The following SYT1 variants were observed in gnomAD, a reference collection of about 807,000 sequenced individuals.
The protein encoded by SYT1 is synaptotagmin 1.
SYT1 carries 8 observed loss-of-function variants against 44.8 expected under a neutral mutation model. That is an observed-to-expected ratio of 0.18 (90% CI 0.10 to 0.32). The LOEUF (loss-of-function observed/expected upper bound fraction) is 0.32. Among genes scored for constraint, SYT1 ranks in the 10% least tolerant of loss-of-function variants. The probability of loss-of-function intolerance (pLI) is 1.00; values close to 1 mark genes in which losing one functional copy is unlikely to be tolerated. For missense variants in SYT1, 286 were observed against 509.3 expected, an observed-to-expected ratio of 0.56 and a Z score of 4.22; for synonymous variants, 154 against 188.8, an observed-to-expected ratio of 0.82 and a Z score of 1.51.
At chr12:79,161,587 C>T (rs1358714566) in intron 3 of SYT1, among the ~76,000 whole-genome samples, 1 of 152,086 alleles carries the variant, frequency 6.6e-6, no homozygotes, top group Non-Finnish European at 1.5e-5. Flanking sequence ...ATAATGGATG[C>T]TGACATGTGT....
intron 1 of SYT1, among the ~76,000 whole-genome samples, chr12:78,893,239 G>A (rs1875154108): frequency 6.6e-6 from 1 of 151,696 alleles, no homozygotes. Flanking sequence ...AATGATTCTT[G>A]CTTTAATTTT....
intron 5 of SYT1, among the ~76,000 whole-genome samples, chr12:79,291,585 T>C (rs1325046709): frequency 6.6e-6 from 1 of 152,216 alleles, no homozygotes; most frequent in African/African-American, 2.4e-5. Context: ...ATATTAATTA[T>C]TCCACTGCAT....
intron 4 of SYT1, among the ~76,000 whole-genome samples, chr12:79,220,269 T>G (rs1180608569): frequency 2.0e-5 from 3 of 152,000 alleles, no homozygotes; most frequent in Non-Finnish European, 4.4e-5. Context: ...AATATCTCCT[T>G]TTTTGTTTCT....
At chr12:79,228,050 G>A (rs1391462017) in intron 4 of SYT1, among the ~76,000 whole-genome samples, 1 of 86,352 alleles carries the variant, frequency 1.2e-5, no homozygotes, top group Admixed American at 1.1e-4. Flanking sequence ...TTTTTTTTTT[G>A]GTCCTATAAT....
chr12:79,061,312 C>T (rs780164914), intron 3 of SYT1, among the ~76,000 whole-genome samples: 7 of 151,948 alleles, frequency 4.6e-5, no homozygotes, highest in African/African-American at 1.2e-4. Flanking sequence ...GCCAGAGACA[C>T]GCTCATATAC....
At chr12:79,231,748 A>C (rs1355796871) in intron 4 of SYT1, among the ~76,000 whole-genome samples, 1 of 152,222 alleles carries the variant, frequency 6.6e-6, no homozygotes, top group Non-Finnish European at 1.5e-5. Context: ...GATTTGGATC[A>C]GATTATTTTA....
rs983179521 is a variant in SYT1 at position 79,164,144 on chromosome 12, C to T, written c.-17-53359C>T. Among the ~76,000 whole-genome samples the T allele has an allele frequency of 6.6e-5, 10 of 151,998 alleles. No homozygotes were observed. In the East Asian group the frequency reaches 7.7e-4, roughly 12 times the overall value. On this transcript the variant is annotated intron_variant, in intron 3 of 10. Transcript: ENST00000261205. ...TAAAATAAAGTAAGCATGGTATTAT[C>T]GTAGGGACAACATCAAATCAGTTTT...
At chr12:79,147,510 A>G (rs1869993588) in intron 3 of SYT1, among the ~76,000 whole-genome samples, 1 of 152,186 alleles carries the variant, frequency 6.6e-6, no homozygotes, top group African/African-American at 2.4e-5. Context: ...AGAGTGTTAC[A>G]ATGTTCGTTA....
chr12:79,064,971 A>G (rs560492662), intron 3 of SYT1, among the ~76,000 whole-genome samples: 10 of 149,232 alleles, frequency 6.7e-5, no homozygotes, highest in African/African-American at 2.5e-4. Context: ...AAAGAAAGAA[A>G]GAAAGAAAGA....
At chr12:79,065,165 G>A (rs1041080374) in intron 3 of SYT1, among the ~76,000 whole-genome samples, 2 of 152,104 alleles carry the variant, frequency 1.3e-5, no homozygotes, top group African/African-American at 4.8e-5. Flanking sequence ...TTCAGCCCAG[G>A]AGTTTGAGAT....
intron 8 of SYT1, among the ~76,000 whole-genome samples, chr12:79,346,308 A>G (rs140171732): frequency 0.01 from 1,571 of 152,262 alleles, 27 homozygotes; most frequent in African/African-American, 0.035. Context: ...GTGTCTATTC[A>G]ATGGCTGCAT....
intron 4 of SYT1, among the ~76,000 whole-genome samples, chr12:79,247,847 T>A (rs1876946851): frequency 6.6e-6 from 1 of 151,980 alleles, no homozygotes. Flanking sequence ...GAAGCTATAG[T>A]GAAAATCTAG....
At chr12:79,282,077 A>G (rs1879081542) in intron 4 of SYT1, among the ~76,000 whole-genome samples, 1 of 152,128 alleles carries the variant, frequency 6.6e-6, no homozygotes, top group South Asian at 2.1e-4. Flanking sequence ...GGACTCTGAC[A>G]TTTCTGCCTG....
At chr12:79,383,985 T>G (rs1884328295) in intron 9 of SYT1, among the ~76,000 whole-genome samples, 2 of 152,182 alleles carry the variant, frequency 1.3e-5, no homozygotes, top group Non-Finnish European at 1.5e-5. Flanking sequence ...AGAAGTATTA[T>G]TTGTGTCCTA....
chr12:79,096,114 A>C lies in SYT1; in HGVS notation c.-18+48752A>C, dbSNP rs545600550. On this transcript the variant is annotated intron_variant, in intron 3 of 10. Coordinates refer to ENST00000261205, the MANE Select transcript of SYT1 (RefSeq NM_005639.3). Reference sequence around the variant, plus strand: ...CTCTCAGGCAATAGCCCACAGAAAGAATAGATCATAACCTGTAGTGATAAT... The same window carrying C: ...CTCTCAGGCAATAGCCCACAGAAAGCATAGATCATAACCTGTAGTGATAAT... 1.6e-4 allele frequency among the ~76,000 whole-genome samples: 24 copies of C among 152,018 alleles called. No individual in the cohort carries two copies. In the South Asian group the frequency reaches 4.6e-3, roughly 29 times the overall value.
rs11611291 is a variant in SYT1 at position 79,309,125 on chromosome 12, G to C, written c.810+9574G>C. 8.4e-3 allele frequency among the ~76,000 whole-genome samples: 1,280 copies of C among 152,310 alleles called. 5 individuals carry two copies. The highest frequency in any genetic ancestry group is 0.013 in the Non-Finnish European group (855 of 68,014). ...GGGTGTCCTGGCTGTCTGTGTGATA[G>C]CCTCTTTCTACAAGTGAGGCCTCAA... is the stretch of plus-strand genomic sequence containing the variant. On this transcript the variant is annotated intron_variant, in intron 8 of 10. Coordinates refer to ENST00000261205, the MANE Select transcript of SYT1 (RefSeq NM_005639.3).
intron 1 of SYT1, among the ~76,000 whole-genome samples, chr12:78,972,038 G>A (rs1298875756): frequency 6.6e-6 from 1 of 152,068 alleles, no homozygotes; most frequent in Non-Finnish European, 1.5e-5. Flanking sequence ...CCTAATGTCT[G>A]TTTTACATTC....
chr12:79,176,841 C>T (rs1035935336), intron 3 of SYT1, among the ~76,000 whole-genome samples: 5 of 151,898 alleles, frequency 3.3e-5, no homozygotes, highest in Non-Finnish European at 5.9e-5. Flanking sequence ...TACAACCCTA[C>T]GTAGTTTACA....
intron 2 of SYT1, among the ~76,000 whole-genome samples, chr12:78,983,786 T>G (rs1286300923): frequency 6.6e-6 from 1 of 152,076 alleles, no homozygotes. Context: ...CTAAGAAGAA[T>G]AGCAATGTAA....
Sources: allele counts gnomAD v4.1 joint callset (sites outside exome capture counted in the v4.1 genomes callset), GRCh38; gene constraint gnomAD v4.1.1; transcripts MANE v1.5; gene names NCBI Gene and HGNC (gene_info 2026-07-23, HGNC 2026-07-21).